ACACA: variants seen among roughly 807,000 people sequenced by gnomAD.
The protein encoded by ACACA is acetyl-CoA carboxylase 1.
A neutral mutation model predicts 296.1 loss-of-function variants in ACACA; 103 were observed. That is an observed-to-expected ratio of 0.35 (90% confidence interval 0.30 to 0.41). The LOEUF (loss-of-function observed/expected upper bound fraction) is 0.41, where lower values mean the gene tolerates loss of function less well. ACACA is among the 10% of genes least tolerant of loss of function. The pLI, the probability that ACACA is intolerant of heterozygous loss-of-function variation, is 1.00. For missense variants in ACACA, 1,554 were observed against 2,989.7 expected, an observed-to-expected ratio of 0.52 and a Z score of 11.20; for synonymous variants, 953 against 1,038.6, an observed-to-expected ratio of 0.92 and a Z score of 1.58.
At chr17:37,214,159 A>C (rs2078882010) in intron 29 of ACACA, among the ~76,000 whole-genome samples, 1 of 152,204 alleles carries the variant, frequency 6.6e-6, no homozygotes, top group Admixed American at 6.5e-5. Context: ...CACTAACAGC[A>C]GTACCATAGG....
chr17:37,275,019 A>G (rs1023327364), intron 8 of ACACA, among the ~76,000 whole-genome samples: 1 of 152,228 alleles, frequency 6.6e-6, no homozygotes, highest in African/African-American at 2.4e-5. Flanking sequence ...ATCAGCTATA[A>G]TAATTCACAT....
At chr17:37,303,587 G>A (rs1181809785) in intron 3 of ACACA, among the ~76,000 whole-genome samples, 3 of 152,254 alleles carry the variant, frequency 2.0e-5, no homozygotes, top group Non-Finnish European at 4.4e-5. Context: ...GCCGGGCACA[G>A]TGGCTCACGC....
intron 43 of ACACA, among the ~76,000 whole-genome samples, chr17:37,155,043 TG>T (rs2076184200): frequency 6.6e-6 from 1 of 152,154 alleles, no homozygotes; most frequent in South Asian, 2.1e-4. Context: ...CCTTAAAAAT[TG>T]ACTTTTCGAC....
intron 3 of ACACA, among the ~76,000 whole-genome samples, chr17:37,287,596 A>T (rs2082842692): frequency 1.3e-5 from 2 of 148,592 alleles, no homozygotes; most frequent in Admixed American, 1.3e-4. Context: ...AAAAACAAAT[A>T]TCCAGGCATG....
intron 26 of ACACA, chr17:37,225,391 G>A: frequency 2.1e-5 from 8 of 376,060 alleles, no homozygotes; most frequent in South Asian, 2.0e-4. Flanking sequence ...ATCAGTGTAT[G>A]TGATTTACCA....
intron 1 of ACACA, among the ~76,000 whole-genome samples, chr17:37,360,018 C>T (rs7223837): frequency 0.025 from 3,818 of 152,202 alleles, 104 homozygotes; most frequent in African/African-American, 0.054. Context: ...TCCCGTCCTC[C>T]ACTGTGGGCA....
intron 52 of ACACA, among the ~76,000 whole-genome samples, chr17:37,100,755 T>C (rs1256692809): frequency 6.6e-6 from 1 of 152,118 alleles, no homozygotes; most frequent in Non-Finnish European, 1.5e-5. Flanking sequence ...TGTGGTTATG[T>C]AGGAGAAAGT....
intron 40 of ACACA, among the ~76,000 whole-genome samples, chr17:37,180,648 C>T (rs1234697497): frequency 1.3e-5 from 2 of 152,120 alleles, no homozygotes; most frequent in South Asian, 4.1e-4. Context: ...CATATAGAGG[C>T]TGAGATTCAT....
At chr17:37,272,030 C>T (rs965877733) in intron 9 of ACACA, among the ~76,000 whole-genome samples, 1 of 152,026 alleles carries the variant, frequency 6.6e-6, no homozygotes, top group Non-Finnish European at 1.5e-5. Context: ...GGTTTTGCTA[C>T]ATTATAAGAA....
At chr17:37,305,432 G>A (rs1472227643) in intron 3 of ACACA, among the ~76,000 whole-genome samples, 1 of 152,140 alleles carries the variant, frequency 6.6e-6, no homozygotes, top group Non-Finnish European at 1.5e-5. Context: ...TGTAGCCAAT[G>A]ATTAGATAGA....
At chr17:37,131,480 C>T (rs1033328852) in intron 45 of ACACA, among the ~76,000 whole-genome samples, 1 of 152,110 alleles carries the variant, frequency 6.6e-6, no homozygotes, top group Non-Finnish European at 1.5e-5. Context: ...TGTATTTTAC[C>T]TTTTCTTTTT....
chr17:37,309,210 G>C (rs542061917), intron 3 of ACACA, among the ~76,000 whole-genome samples: 66 of 151,904 alleles, frequency 4.3e-4, no homozygotes, highest in Non-Finnish European at 9.1e-4. Context: ...TTTTTTTGTA[G>C]AGTATAGGTC....
At chr17:37,343,525 G>T (rs1040483013) in intron 1 of ACACA, among the ~76,000 whole-genome samples, 1 of 151,952 alleles carries the variant, frequency 6.6e-6, no homozygotes, top group Non-Finnish European at 1.5e-5. Flanking sequence ...CCAGCACTTT[G>T]GGAGGCCAAG....
chr17:37,277,469 CA>C (rs1745842550), intron 6 of ACACA, among the ~76,000 whole-genome samples: 2 of 152,226 alleles, frequency 1.3e-5, no homozygotes, highest in Admixed American at 6.5e-5. Flanking sequence ...TCCATTACAT[CA>C]TTATTGATTA....
chr17:37,125,795 C>A lies in ACACA; in HGVS notation c.5945-1G>T. On this transcript the variant is annotated splice_acceptor_variant, in intron 47 of 55. Coordinates refer to ENST00000616317, the MANE Select transcript of ACACA (RefSeq NM_198834.3). LOFTEE classifies it high-confidence loss of function. The stretch of plus-strand genomic sequence containing the variant: ...CCACTCAACCACTGACCTTTTTGGG[C>A]TACAGAAGGGAAAGAAAGAAAACAG... 1.9e-6 allele frequency: 3 copies of A among 1,611,910 alleles called. No individual in the cohort carries two copies. The highest frequency in any genetic ancestry group is 2.5e-6 in the Non-Finnish European group (3 of 1,178,354).
intron 1 of ACACA, among the ~76,000 whole-genome samples, chr17:37,345,075 G>A (rs1232760380): frequency 6.6e-6 from 1 of 152,110 alleles, no homozygotes; most frequent in African/African-American, 2.4e-5. Flanking sequence ...CCCGGAGAGA[G>A]ATTAGAGGAT....
chr17:37,405,837 C>A (rs1001366314), intron 1 of ACACA, among the ~76,000 whole-genome samples: 1 of 150,510 alleles, frequency 6.6e-6, no homozygotes, highest in African/African-American at 2.4e-5. Flanking sequence ...CAGGCGTGAG[C>A]CACCGCGCCC....
At chr17:37,299,230 G>T (rs1567963268) in intron 3 of ACACA, 1 of 1,575,316 alleles carries the variant, frequency 6.3e-7, no homozygotes, top group Non-Finnish European at 8.7e-7. Flanking sequence ...GTACCTTACT[G>T]TTTTTTTAAA....
At chr17:37,093,444 T>C (rs1259991812) in intron 54 of ACACA, among the ~76,000 whole-genome samples, 2 of 145,142 alleles carry the variant, frequency 1.4e-5, no homozygotes, top group African/African-American at 4.9e-5. Context: ...CCTTCTAACA[T>C]GGAGCAGGGG....
Sources: allele counts gnomAD v4.1 joint callset (sites outside exome capture counted in the v4.1 genomes callset), GRCh38; gene constraint gnomAD v4.1.1; transcripts MANE v1.5; gene names NCBI Gene and HGNC (gene_info 2026-07-23, HGNC 2026-07-21).